TRIO: variants seen among roughly 807,000 people sequenced by gnomAD.
The protein encoded by TRIO is triple functional domain protein.
Under a neutral mutation model 351.9 loss-of-function variants are expected in TRIO, and 58 were observed. That is an observed-to-expected ratio of 0.16 (90% CI 0.13 to 0.21). TRIO has a LOEUF of 0.21. Ranked by LOEUF, TRIO falls within the 10% of genes least tolerant of loss-of-function variation. The probability of loss-of-function intolerance (pLI) is 1.00; values close to 1 mark genes in which losing one functional copy is unlikely to be tolerated. For missense variants in TRIO, 3,201 were observed against 4,027.8 expected (o/e 0.79, Z 5.56); for synonymous variants, 1,758 against 1,595.7 (o/e 1.10, Z -2.42).
At chr5:14,394,372 T>G (rs904970617) in intron 28 of TRIO, among the ~76,000 whole-genome samples, 11 of 152,190 alleles carry the variant, frequency 7.2e-5, no homozygotes, top group Non-Finnish European at 1.5e-4. Flanking sequence ...TGAGAAATCA[T>G]CAGTTCTTGA....
intron 34 of TRIO, among the ~76,000 whole-genome samples, chr5:14,444,056 A>G (rs758480783): frequency 8.0e-5 from 12 of 150,466 alleles, no homozygotes; most frequent in Non-Finnish European, 1.5e-4. Context: ...TGTGTGCTTT[A>G]TAATTCTTGA....
chr5:14,443,051 CTTCAGAATTCTTCTCAAGGGACATTAT>C (rs1387865550), intron 34 of TRIO, among the ~76,000 whole-genome samples: 1 of 152,082 alleles, frequency 6.6e-6, no homozygotes, highest in Admixed American at 6.5e-5. Flanking sequence ...ATCTTAATTC[CTTCAGAATTCTTCTCAAGGGACATTAT>C]TAAATTCGCT....
chr5:14,396,604 G>C (rs1348329038), intron 28 of TRIO, among the ~76,000 whole-genome samples: 2 of 150,564 alleles, frequency 1.3e-5, no homozygotes, highest in African/African-American at 2.4e-5. Flanking sequence ...CAAGTAGCTG[G>C]GATTACAGGT....
At chr5:14,233,143 C>A (rs1793554514) in intron 1 of TRIO, among the ~76,000 whole-genome samples, 1 of 151,880 alleles carries the variant, frequency 6.6e-6, no homozygotes, top group Admixed American at 6.6e-5. Context: ...ATACCTAGTT[C>A]AGGGGATAAG....
intron 11 of TRIO, among the ~76,000 whole-genome samples, chr5:14,356,092 G>A (rs752626084): frequency 3.3e-5 from 5 of 152,018 alleles, no homozygotes; most frequent in Non-Finnish European, 5.9e-5. Context: ...TAGGACCCTG[G>A]GTAACAGGAT....
chr5:14,503,794 G>A lies in TRIO; in HGVS notation c.8412-599G>A, dbSNP rs140880633. Among the ~76,000 whole-genome samples the A allele has an allele frequency of 3.2e-3, 486 of 152,344 alleles. 3 individuals carry two copies. Among genetic ancestry groups the A allele is most frequent in the Non-Finnish European group, 5.7e-3 (386 of 68,034 alleles). On this transcript the variant is annotated intron_variant, in intron 54 of 56. Transcript: ENST00000344204. ...TCTGCCCGCCACAGGCGCATCTCTG[G>A]TCCTCACATGTGCAGAATGCACTCA...
Position 14,462,663 on chromosome 5 carries a change from T to C in TRIO, c.5497-92T>C, listed in dbSNP as rs541820748. The C allele has an allele frequency of 4.6e-6, 7 of 1,529,996 alleles. No individual in the cohort carries two copies. The African/African-American group carries it at 9.7e-5, about 21-fold the overall frequency. The allele number at this position is 1,529,996 out of a possible 1,614,324, so 94.8% of individuals were successfully genotyped here. A position where few individuals can be genotyped will look rare whatever the true frequency, so the allele number is the denominator to read the frequency against. Reference sequence around the variant, plus strand: ...TTGTTCCTGATTTCTGCCATCCCAGTCTCTGTCCCCACCTTGCTTCTCCAA... The same window carrying C: ...TTGTTCCTGATTTCTGCCATCCCAGCCTCTGTCCCCACCTTGCTTCTCCAA... On this transcript the variant is annotated intron_variant, in intron 35 of 56. Transcript: ENST00000344204.
rs13357024 is a variant in TRIO at position 14,331,673 on chromosome 5, C to T, written c.1854+773C>T. 5.0e-3 allele frequency among the ~76,000 whole-genome samples: 766 copies of T among 152,276 alleles called. 7 individuals are homozygous for T. Among genetic ancestry groups the T allele is most frequent in the African/African-American group, 0.017 (701 of 41,560 alleles). ...CTTCTGCAGACACAAGACCTAGCTG[C>T]AGGGGCCCTGGGTTTCAGAATTTGT... On this transcript the variant is annotated intron_variant, in intron 10 of 56. Coordinates refer to ENST00000344204, the MANE Select transcript of TRIO (RefSeq NM_007118.4).
chr5:14,491,066 G>A (rs1042335932), intron 48 of TRIO, among the ~76,000 whole-genome samples: 1 of 146,032 alleles, frequency 6.8e-6, no homozygotes, highest in Non-Finnish European at 1.5e-5. Context: ...AACAGGAGCT[G>A]GGCAGCACCG....
chr5:14,450,433 C>T (rs1228319325), intron 34 of TRIO, among the ~76,000 whole-genome samples: 5 of 152,166 alleles, frequency 3.3e-5, no homozygotes, highest in African/African-American at 4.8e-5. Flanking sequence ...GCGCAGGGAA[C>T]GGTGGAAGTG....
chr5:14,460,949 A>T, intron 34 of TRIO, 70 bp from the exon 35 acceptor site: 1 of 1,444,290 alleles, frequency 6.9e-7, no homozygotes, highest in South Asian at 1.5e-5. Context: ...AGCCTGCGGG[A>T]TAATGGCATG....
chr5:14,399,707 T>A (rs1310242446), intron 30 of TRIO, among the ~76,000 whole-genome samples: 2 of 152,214 alleles, frequency 1.3e-5, no homozygotes, highest in Non-Finnish European at 1.5e-5. Flanking sequence ...CCTGCTGCCA[T>A]TTTGTGACCA....
intron 3 of TRIO, among the ~76,000 whole-genome samples, chr5:14,285,643 A>G (rs1054758233): frequency 6.6e-6 from 1 of 152,132 alleles, no homozygotes; most frequent in Non-Finnish European, 1.5e-5. Context: ...AATGATAGCA[A>G]TTGGTTTTCC....
intron 7 of TRIO, among the ~76,000 whole-genome samples, chr5:14,302,122 T>C (rs1432491021): frequency 6.6e-6 from 1 of 152,238 alleles, no homozygotes; most frequent in East Asian, 1.9e-4. Flanking sequence ...GTAAAACTTC[T>C]TGAATGTTTT....
rs79624448 is a variant in TRIO, at chr5:14,497,468, G to C, written c.8020-379G>C. 3.3e-5 allele frequency among the ~76,000 whole-genome samples: 5 copies of C among 152,104 alleles called. No individual in the cohort carries two copies. The highest frequency in any genetic ancestry group is 7.3e-5 in the Non-Finnish European group (5 of 68,032). ...TTCAGTCAGCTTTAGTCCTATAATC[G>C]GATTGCCTGACACCTGCGGTGGGGG... On this transcript the variant is annotated intron_variant, in intron 50 of 56. Transcript: ENST00000344204. The surrounding 1 kb of genome is among the most constrained non-coding windows in gnomAD (Gnocchi z 4.4).
chr5:14,335,452 C>G (rs1225380878), intron 10 of TRIO, among the ~76,000 whole-genome samples: 1 of 152,186 alleles, frequency 6.6e-6, no homozygotes, highest in Admixed American at 6.5e-5. Flanking sequence ...CATCCCCCAG[C>G]GTCTCCCGGG....
At chr5:14,318,515 TG>T (rs1353647580) in intron 9 of TRIO, among the ~76,000 whole-genome samples, 25 of 152,158 alleles carry the variant, frequency 1.6e-4, no homozygotes, top group African/African-American at 5.8e-4. Flanking sequence ...TACCGTGCTT[TG>T]ATTCTAATTT....
chr5:14,200,661 G>A (rs974190234), intron 1 of TRIO, among the ~76,000 whole-genome samples: 2 of 152,210 alleles, frequency 1.3e-5, no homozygotes, highest in Non-Finnish European at 2.9e-5. Context: ...CTGTAGAGTG[G>A]CTGGTGAAGG....
rs576281053 is a variant in TRIO, at chr5:14,506,721, G to A, written c.8613-401G>A. On this transcript the variant is annotated intron_variant, in intron 55 of 56. Transcript: ENST00000344204. ...GCCTGTGGTTACATGATCTCGGTGA[G>A]TCTTCCCGTGGCCCATTCTACAGGT... Among the ~76,000 whole-genome samples the A allele has an allele frequency of 3.9e-5, 6 of 152,130 alleles. 1 individual carries two copies. Among genetic ancestry groups the A allele is most frequent in the African/African-American group, 1.4e-4 (6 of 41,474 alleles).
Sources: gnomAD v4.1 joint callset for allele counts (sites outside exome capture counted in the v4.1 genomes callset) on GRCh38, gnomAD v4.1.1 for gene constraint, Gnocchi (gnomAD v3.1) non-coding constraint, MANE v1.5 for transcripts, NCBI Gene and HGNC (gene_info 2026-07-23, HGNC 2026-07-21) for gene names.